The following HOOK3 variants were observed in gnomAD, a reference collection of about 807,000 sequenced individuals.
The protein encoded by HOOK3 is hook microtubule tethering protein 3.
In HOOK3, 24 loss-of-function variants were observed where a neutral mutation model predicts 116.3. The ratio of observed to expected loss-of-function variants is 0.21; its 90% CI spans 0.15 to 0.29. HOOK3 has a LOEUF of 0.29. Among genes scored for constraint, HOOK3 ranks in the 10% least tolerant of loss-of-function variants. The probability of loss-of-function intolerance (pLI) is 1.00; values close to 1 mark genes in which losing one functional copy is unlikely to be tolerated. For missense variants in HOOK3, 632 were observed against 830.2 expected (o/e 0.76, Z 2.93); for synonymous variants, 275 against 283.0 (o/e 0.97, Z 0.28).
chr8:42,918,758 T>G (rs1201853916), intron 2 of HOOK3, among the ~76,000 whole-genome samples: 1 of 152,192 alleles, frequency 6.6e-6, no homozygotes, highest in Non-Finnish European at 1.5e-5. Context: ...GGTTATAGAT[T>G]AACAGCATCC....
Position 42,968,178 on chromosome 8 carries a change from C to T in HOOK3, c.1086C>T (p.Asn362=), listed in dbSNP as rs147428323. 9.4e-5 allele frequency: 152 copies of T among 1,613,860 alleles called. No homozygotes were observed. Among genetic ancestry groups the T allele is most frequent in the Admixed American group, 8.0e-4 (48 of 59,986 alleles). The change falls in exon 11 of 22, where the codon AAC becomes AAT. Residue 362 remains asparagine, a synonymous_variant. Transcript: ENST00000307602. ...VSLEEELRKA[N]AARSQLETYK... Reference sequence around the variant, plus strand: ...TAGAGGAAGAGTTAAGAAAGGCCAACGCAGCGCGAAGTCAACTTGAAACCT... The same window carrying T: ...TAGAGGAAGAGTTAAGAAAGGCCAATGCAGCGCGAAGTCAACTTGAAACCT...
rs182927195 is a variant in HOOK3, at chr8:42,940,291, C to T, written c.268-3022C>T. 3.1e-3 allele frequency among the ~76,000 whole-genome samples: 468 copies of T among 152,368 alleles called. 8 individuals carry two copies. The highest frequency in any genetic ancestry group is 0.011 in the African/African-American group (446 of 41,586). ...GGCTAGGAGCTGGAGACCAGCCCGG[C>T]CAACACAGCGAAACCCCGTCTCCAC... On this transcript the variant is annotated intron_variant, in intron 4 of 21. Transcript: ENST00000307602.
intron 11 of HOOK3, among the ~76,000 whole-genome samples, chr8:42,971,568 C>T (rs943246219): frequency 3.3e-5 from 5 of 152,186 alleles, no homozygotes; most frequent in African/African-American, 1.2e-4. Flanking sequence ...TGTGCCTGGC[C>T]ACTTTATTTT....
At chr8:42,937,865 G>T (rs1299166678) in intron 4 of HOOK3, among the ~76,000 whole-genome samples, 2 of 152,334 alleles carry the variant, frequency 1.3e-5, no homozygotes, top group East Asian at 3.9e-4. Context: ...TGTATATTCT[G>T]TTGATTTGGG....
In HOOK3 at chr8:42,981,305, G is replaced by A. The variant is rs539405368; in HGVS notation, c.1322-1322G>A. On this transcript the variant is annotated intron_variant, in intron 13 of 21. Coordinates refer to ENST00000307602, the MANE Select transcript of HOOK3 (RefSeq NM_032410.4). ...TGAGCTCAATCGATCCGCCCACCTC[G>A]GCCTCCCAAAGTGCTGGGGTTACAG... Among the ~76,000 whole-genome samples the A allele has an allele frequency of 6.6e-5, 10 of 151,692 alleles. No individual in the cohort carries two copies. In the East Asian group the frequency reaches 1.6e-3, roughly 24 times the overall value.
Position 42,985,961 on chromosome 8 carries a change from AT to A in HOOK3, c.1392-693del, listed in dbSNP as rs907821138. On this transcript the variant is annotated intron_variant, in intron 14 of 21. Transcript: ENST00000307602. ...TCCACAGCTTTTCATAGTGTTTGGT[AT>A]CTGTTCATACTATCTTCATGGGGCC... 4.1e-4 allele frequency among the ~76,000 whole-genome samples: 62 copies of A among 152,284 alleles called. 1 individual carries two copies. The highest frequency in any genetic ancestry group is 1.4e-3 in the African/African-American group (60 of 41,574).
In HOOK3 at chr8:42,897,193, G is replaced by T; in HGVS notation, c.57+5G>T. On this transcript the variant is annotated splice_donor_5th_base_variant and intron_variant, in intron 1 of 21. Transcript: ENST00000307602. Reference sequence around the variant, plus strand: ...TGCGAGAGCCTCCTCACTTGGGTACGTGGGGGCCGCGGGCCGGCGGGAAGA... The same window carrying T: ...TGCGAGAGCCTCCTCACTTGGGTACTTGGGGGCCGCGGGCCGGCGGGAAGA... 8.0e-7 allele frequency: 1 copy of T among 1,245,382 alleles called. No homozygotes were observed. Among genetic ancestry groups the T allele is most frequent in the Non-Finnish European group, 1.0e-6 (1 of 990,096 alleles). The allele number at this position is 1,245,382 out of a possible 1,614,324, so 77.1% of individuals were successfully genotyped here.
chr8:42,964,574 C>G (rs1317287806), intron 9 of HOOK3, 100 bp downstream of exon 9: 2 of 1,080,784 alleles, frequency 1.9e-6, no homozygotes, highest in African/African-American at 1.6e-5. Context: ...TGCCTGGAAT[C>G]CCAGCACTTT....
At chr8:42,983,226 C>T (rs996489467) in intron 14 of HOOK3, among the ~76,000 whole-genome samples, 2 of 149,496 alleles carry the variant, frequency 1.3e-5, no homozygotes, top group African/African-American at 4.9e-5. Flanking sequence ...CCCAGCTACT[C>T]GGGAGGCTGA....
At chr8:42,996,385 C>CAAAAAA (rs529268164) in intron 15 of HOOK3, among the ~76,000 whole-genome samples, 25 of 54,732 alleles carry the variant, frequency 4.6e-4, no homozygotes, top group East Asian at 6.5e-4. Flanking sequence ...GACTCCGTCT[C>CAAAAAA]AAAAAAAAAA....
At chr8:42,968,798 C>T (rs944437571) in intron 11 of HOOK3, among the ~76,000 whole-genome samples, 3 of 152,152 alleles carry the variant, frequency 2.0e-5, no homozygotes, top group Non-Finnish European at 2.9e-5. Context: ...AATATTCATG[C>T]TTGAATAAAA....
intron 14 of HOOK3, among the ~76,000 whole-genome samples, chr8:42,985,346 A>G (rs1809030184): frequency 6.6e-6 from 1 of 152,220 alleles, no homozygotes; most frequent in African/African-American, 2.4e-5. Flanking sequence ...GGTTTATTAA[A>G]TAAGTAACGA....
At chr8:42,918,885 G>T (rs925551678) in intron 2 of HOOK3, among the ~76,000 whole-genome samples, 1 of 152,120 alleles carries the variant, frequency 6.6e-6, no homozygotes, top group Non-Finnish European at 1.5e-5. Context: ...TTTTCTATTC[G>T]ACAAAACCGC....
In HOOK3 at chr8:42,897,008, G is replaced by A. The variant is rs1399409945; in HGVS notation, c.-124G>A. The A allele has an allele frequency of 4.8e-6, 3 of 627,590 alleles. No homozygotes were observed. Among genetic ancestry groups the A allele is most frequent in the African/African-American group, 3.8e-5 (2 of 52,650 alleles). 38.9% of individuals were successfully genotyped at this position (627,590 alleles called of 1,614,324 possible). A position where few individuals can be genotyped will look rare whatever the true frequency, so the allele number is the denominator to read the frequency against. Reference sequence around the variant, plus strand: ...CGCTGCCAGCGCTGGGCGAGAGTCGGCGGCCGGATCCGAGGAGCAGGCGGG... The same window carrying A: ...CGCTGCCAGCGCTGGGCGAGAGTCGACGGCCGGATCCGAGGAGCAGGCGGG... On this transcript the variant is annotated 5_prime_UTR_variant, in exon 1 of 22. Coordinates refer to ENST00000307602, the MANE Select transcript of HOOK3 (RefSeq NM_032410.4).
intron 1 of HOOK3, among the ~76,000 whole-genome samples, chr8:42,904,920 A>G (rs889532696): frequency 3.9e-5 from 6 of 152,096 alleles, no homozygotes; most frequent in Admixed American, 2.0e-4. Context: ...TGTAAGTTCT[A>G]TGAGAGGATG....
In HOOK3 at chr8:42,944,882, G is replaced by A. The variant is rs1444338667; in HGVS notation, c.400+1437G>A. ...CACTGCTAGAAAAATTTCTCGCTAA[G>A]CATGTAAATCTGAAAACTGTCTTTT... On this transcript the variant is annotated intron_variant, in intron 5 of 21. Coordinates refer to ENST00000307602, the MANE Select transcript of HOOK3 (RefSeq NM_032410.4). Among the ~76,000 whole-genome samples, 4 of 152,126 alleles carry A rather than the reference G, an allele frequency of 2.6e-5. No homozygotes were observed. In the East Asian group the frequency reaches 5.8e-4, roughly 22 times the overall value.
chr8:42,961,523 G>A lies in HOOK3; in HGVS notation c.615+2209G>A, dbSNP rs531489483. 2.0e-5 allele frequency among the ~76,000 whole-genome samples: 3 copies of A among 151,832 alleles called. No individual in the cohort carries two copies. The South Asian group carries it at 6.2e-4, about 31-fold the overall frequency. On this transcript the variant is annotated intron_variant, in intron 8 of 21. Coordinates refer to ENST00000307602, the MANE Select transcript of HOOK3 (RefSeq NM_032410.4). ...GTGATCAATGAAAGAAGTGAGAACA[G>A]TGATTAACTATATTTATGGTAGGAA...
At chr8:42,971,761 A>G (rs558601045) in intron 11 of HOOK3, among the ~76,000 whole-genome samples, 1 of 151,156 alleles carries the variant, frequency 6.6e-6, no homozygotes, top group East Asian at 2.0e-4. Context: ...GCTCACTGCA[A>G]CCTCCACCTC....
chr8:42,897,853 C>T (rs991816694), intron 1 of HOOK3, among the ~76,000 whole-genome samples: 10 of 152,260 alleles, frequency 6.6e-5, no homozygotes, highest in African/African-American at 2.4e-4. Context: ...GCTGCCGCGC[C>T]TTCCTGAAGC....
Sources: gnomAD v4.1 joint callset for allele counts (sites outside exome capture counted in the v4.1 genomes callset) on GRCh38, gnomAD v4.1.1 for gene constraint, MANE v1.5 for transcripts, NCBI Gene and HGNC (gene_info 2026-07-23, HGNC 2026-07-21) for gene names.